GRM7: variants seen among roughly 807,000 people sequenced by gnomAD.
GRM7 encodes the protein metabotropic glutamate receptor 7.
A neutral mutation model predicts 84.5 loss-of-function variants in GRM7; 35 were observed. The observed-to-expected ratio is 0.41, with a 90% confidence interval of 0.32 to 0.55. GRM7 has a LOEUF of 0.55. Ranked by LOEUF, GRM7 falls within the 20% of genes least tolerant of loss-of-function variation. The probability of loss-of-function intolerance (pLI) is 0.19; values close to 1 mark genes in which losing one functional copy is unlikely to be tolerated. For synonymous variants in GRM7, 487 were observed against 455.1 expected, an observed-to-expected ratio of 1.07 and a Z score of -0.89; for missense variants, 1,003 against 1,194.6, an observed-to-expected ratio of 0.84 and a Z score of 2.36.
chr3:6,891,386 G>A (rs9873404), intron 1 of GRM7, among the ~76,000 whole-genome samples: 18,104 of 152,052 alleles, frequency 0.12, 1,258 homozygotes, highest in African/African-American at 0.17. Context: ...GTTGCTTTCC[G>A]CGTTTAGTGC....
chr3:7,664,218 A>C (rs2125126239), intron 8 of GRM7, among the ~76,000 whole-genome samples: 1 of 151,938 alleles, frequency 6.6e-6, no homozygotes, highest in East Asian at 1.9e-4. Context: ...AGATCAACTC[A>C]CTCCCTCAAT....
chr3:7,696,492 G>T (rs1183808613), intron 9 of GRM7, among the ~76,000 whole-genome samples: 1 of 152,092 alleles, frequency 6.6e-6, no homozygotes, highest in Admixed American at 6.6e-5. Flanking sequence ...GAAGTAATGT[G>T]CATATTCACT....
chr3:6,997,545 C>T (rs1018518303), intron 1 of GRM7, among the ~76,000 whole-genome samples: 15 of 152,136 alleles, frequency 9.9e-5, no homozygotes, highest in Non-Finnish European at 1.6e-4. Context: ...ATGAGAATAG[C>T]ATGGAGGTAA....
chr3:7,710,447 G>T (rs909657700), intron 9 of GRM7, among the ~76,000 whole-genome samples: 4 of 152,032 alleles, frequency 2.6e-5, no homozygotes, highest in African/African-American at 9.7e-5. Flanking sequence ...GTAATTTCAG[G>T]GTGCCTTGTT....
chr3:7,728,231 T>G (rs1167790014), intron 9 of GRM7, among the ~76,000 whole-genome samples: 1 of 152,186 alleles, frequency 6.6e-6, no homozygotes, highest in Non-Finnish European at 1.5e-5. Flanking sequence ...TGTGTGTTCT[T>G]GTGGCCCAAT....
At chr3:7,619,456 G>C (rs1697258833) in intron 8 of GRM7, among the ~76,000 whole-genome samples, 1 of 151,780 alleles carries the variant, frequency 6.6e-6, no homozygotes, top group Non-Finnish European at 1.5e-5. Flanking sequence ...CTCATCTCGG[G>C]GGATTAAGCA....
At chr3:7,700,738 T>G (rs1010751649) in intron 9 of GRM7, among the ~76,000 whole-genome samples, 1 of 152,012 alleles carries the variant, frequency 6.6e-6, no homozygotes. Context: ...TTGAAAGACA[T>G]GAAACCCCAA....
intron 2 of GRM7, among the ~76,000 whole-genome samples, chr3:7,269,196 T>C (rs1378420253): frequency 1.3e-5 from 2 of 152,180 alleles, no homozygotes; most frequent in African/African-American, 4.8e-5. Flanking sequence ...TGGGAATCCA[T>C]AATTTGTTCT....
chr3:7,666,431 C>G (rs3934158), intron 8 of GRM7, among the ~76,000 whole-genome samples: 53,416 of 152,010 alleles, frequency 0.35, 10,435 homozygotes, highest in Non-Finnish European at 0.44. Context: ...TGAAGGATGT[C>G]TTACATCAGA....
At chr3:7,020,129 G>A (rs1695723872) in intron 1 of GRM7, among the ~76,000 whole-genome samples, 1 of 152,172 alleles carries the variant, frequency 6.6e-6, no homozygotes, top group South Asian at 2.1e-4. Flanking sequence ...TTACAGGCAT[G>A]AGCCACTGCA....
intron 1 of GRM7, among the ~76,000 whole-genome samples, chr3:6,995,859 C>T (rs1694807465): frequency 6.6e-6 from 1 of 152,062 alleles, no homozygotes; most frequent in Non-Finnish European, 1.5e-5. Flanking sequence ...CACTTAAACC[C>T]TAATTTTAAT....
intron 2 of GRM7, among the ~76,000 whole-genome samples, chr3:7,241,005 C>T (rs772709720): frequency 6.6e-6 from 1 of 152,148 alleles, no homozygotes; most frequent in Non-Finnish European, 1.5e-5. Context: ...ACGATGCCAT[C>T]TAGGATTGTG....
chr3:7,114,113 A>C (rs561523853), intron 1 of GRM7, among the ~76,000 whole-genome samples: 1 of 152,164 alleles, frequency 6.6e-6, no homozygotes, highest in Non-Finnish European at 1.5e-5. Context: ...TGTGTGACTT[A>C]ATGGAGATAA....
At chr3:7,657,208 C>A (rs1699243976) in intron 8 of GRM7, among the ~76,000 whole-genome samples, 1 of 152,082 alleles carries the variant, frequency 6.6e-6, no homozygotes, top group African/African-American at 2.4e-5. Flanking sequence ...TTCCTGCCTT[C>A]TAATATCATT....
intron 7 of GRM7, among the ~76,000 whole-genome samples, chr3:7,490,869 G>GT: frequency 6.6e-6 from 1 of 152,090 alleles, no homozygotes; most frequent in Middle Eastern, 3.4e-3. Context: ...GATACTGAGA[G>GT]TCTTGAAATT....
At chr3:6,925,441 CGAA>C (rs1697265391) in intron 1 of GRM7, among the ~76,000 whole-genome samples, 1 of 146,852 alleles carries the variant, frequency 6.8e-6, no homozygotes, top group Non-Finnish European at 1.5e-5. Context: ...AGGCCAAAAT[CGAA>C]TCAATCAATC....
At position 7,304,811 on chromosome 3, in the gene GRM7, G is replaced by GT. The variant is rs200016248; in HGVS notation, c.879-1679dup. Among the ~76,000 whole-genome samples, 761 of 151,350 alleles carry GT rather than the reference G, an allele frequency of 5.0e-3. 28 individuals carry two copies. Among genetic ancestry groups the GT allele is most frequent in the Admixed American group, 0.04 (608 of 15,190 alleles). On this transcript the variant is annotated intron_variant, in intron 3 of 9. Coordinates refer to ENST00000357716, the MANE Select transcript of GRM7 (RefSeq NM_000844.4). Reference sequence around the variant, plus strand: ...CTCATTTAAATGTGTTTATTATTTTGTTTTTTTTCCCATATATTATCTCTG... The same window carrying GT: ...CTCATTTAAATGTGTTTATTATTTTGTTTTTTTTTCCCATATATTATCTCTG...
chr3:7,329,383 A>G (rs1273365655), intron 4 of GRM7, among the ~76,000 whole-genome samples: 2 of 152,128 alleles, frequency 1.3e-5, no homozygotes, highest in Non-Finnish European at 2.9e-5. Context: ...ACCTTGGATA[A>G]GCTACTTGGT....
chr3:7,104,396 C>A (rs985222687), intron 1 of GRM7, among the ~76,000 whole-genome samples: 1 of 151,606 alleles, frequency 6.6e-6, no homozygotes, highest in Non-Finnish European at 1.5e-5. Context: ...TTTTAAGCCA[C>A]CAATTTTAAG....
Sources: gnomAD v4.1 joint callset for allele counts (sites outside exome capture counted in the v4.1 genomes callset) on GRCh38, gnomAD v4.1.1 for gene constraint, MANE v1.5 for transcripts, NCBI Gene and HGNC (gene_info 2026-07-23, HGNC 2026-07-21) for gene names.